Variants in SEMA3D observed in about 807,000 individuals in gnomAD.
The protein encoded by SEMA3D is semaphorin 3D.
SEMA3D carries 84 observed loss-of-function variants against 100.1 expected under a neutral mutation model. The observed-to-expected ratio is 0.84, with a 90% confidence interval of 0.70 to 1.01. The LOEUF is 1.01. Among genes scored for constraint, SEMA3D ranks in the 50% least tolerant of loss-of-function variants. SEMA3D has a pLI of 0.00. For missense variants in SEMA3D, 875 were observed against 934.1 expected (o/e 0.94, Z 0.82); for synonymous variants, 312 against 320.7 (o/e 0.97, Z 0.29).
the SEMA3D span, among the ~76,000 whole-genome samples, chr7:85,239,871 C>T: frequency 1.3e-5 from 2 of 152,130 alleles, no homozygotes; most frequent in African/African-American, 2.4e-5. Flanking sequence ...ATATTAACTT[C>T]GTATTCTGTA....
intron 15 of SEMA3D, among the ~76,000 whole-genome samples, chr7:85,016,724 A>G (rs995880026): frequency 6.6e-6 from 1 of 150,790 alleles, no homozygotes; most frequent in African/African-American, 2.4e-5. Context: ...AGAAAATCTT[A>G]TTATAACACC....
the SEMA3D span, among the ~76,000 whole-genome samples, chr7:85,244,117 G>T: frequency 6.6e-6 from 1 of 152,186 alleles, no homozygotes; most frequent in East Asian, 1.9e-4. Flanking sequence ...TGGATGATAA[G>T]TCTAAGGGCA....
At chr7:85,223,075 T>C in the SEMA3D span, among the ~76,000 whole-genome samples, 2 of 151,944 alleles carry the variant, frequency 1.3e-5, no homozygotes, top group African/African-American at 2.4e-5. Flanking sequence ...ACATCACTAA[T>C]TGTCAGAGAA....
At chr7:85,172,656 C>A (rs1791115569) in intron 1 of SEMA3D, among the ~76,000 whole-genome samples, 1 of 151,994 alleles carries the variant, frequency 6.6e-6, no homozygotes. Context: ...AACTTGATTG[C>A]ACAAGTGCTG....
intron 9 of SEMA3D, among the ~76,000 whole-genome samples, chr7:85,047,578 G>A (rs2116028536): frequency 6.6e-6 from 1 of 151,832 alleles, no homozygotes; most frequent in African/African-American, 2.4e-5. Flanking sequence ...AGTGGCTTTT[G>A]GAAAATGTAA....
At chr7:85,061,589 TCCATTGACTTTGGA>T (rs774797498) in intron 8 of SEMA3D, among the ~76,000 whole-genome samples, 1 of 152,136 alleles carries the variant, frequency 6.6e-6, no homozygotes, top group Admixed American at 6.5e-5. Context: ...GACAGATGAC[TCCATTGACTTTGGA>T]CCATAGGCTG....
intron 1 of SEMA3D, among the ~76,000 whole-genome samples, chr7:85,169,264 C>T (rs754333293): frequency 3.3e-5 from 5 of 151,680 alleles, no homozygotes; most frequent in Admixed American, 1.3e-4. Context: ...TTCTGTTAAA[C>T]AAGTTTTAAC....
chr7:85,081,421 A>T, intron 5 of SEMA3D, 96 bp downstream of exon 5: 1 of 742,966 alleles, frequency 1.3e-6, no homozygotes, highest in Non-Finnish European at 2.3e-6. Flanking sequence ...GAAAAATAAT[A>T]CACTAATACC....
chr7:85,093,092 ACTTTT>A (rs1788445313), intron 4 of SEMA3D, among the ~76,000 whole-genome samples: 2 of 152,028 alleles, frequency 1.3e-5, no homozygotes, highest in African/African-American at 4.8e-5. Flanking sequence ...GGCTGAGAAA[ACTTTT>A]ATGTTTCCCT....
intron 15 of SEMA3D, among the ~76,000 whole-genome samples, chr7:85,016,439 G>T (rs1276481393): frequency 6.6e-6 from 1 of 151,548 alleles, no homozygotes; most frequent in African/African-American, 2.4e-5. Flanking sequence ...AGTCATCCAA[G>T]ACAGAAATCT....
At chr7:85,166,916 T>C (rs1328272413) in intron 1 of SEMA3D, among the ~76,000 whole-genome samples, 2 of 151,968 alleles carry the variant, frequency 1.3e-5, no homozygotes, top group Admixed American at 1.3e-4. Context: ...TGTACAAAGG[T>C]GATAATGGAT....
chr7:85,181,736 A>T (rs1791415596), intron 1 of SEMA3D: 2 of 960,812 alleles, frequency 2.1e-6, no homozygotes, highest in African/African-American at 3.5e-5. Context: ...TAGCTTATTG[A>T]GCTTTGCAAA....
At chr7:85,164,894 T>C (rs1256098225) in intron 1 of SEMA3D, among the ~76,000 whole-genome samples, 1 of 152,080 alleles carries the variant, frequency 6.6e-6, no homozygotes, top group African/African-American at 2.4e-5. Flanking sequence ...ATAAAACATG[T>C]ATACAAAGAG....
chr7:85,169,801 A>G (rs1037473938), intron 1 of SEMA3D, among the ~76,000 whole-genome samples: 37 of 151,746 alleles, frequency 2.4e-4, no homozygotes, highest in Non-Finnish European at 7.4e-5. Flanking sequence ...CAAAACAACT[A>G]TTGATCACTA....
At chr7:85,054,896 TA>T (rs1411780154) in intron 9 of SEMA3D, among the ~76,000 whole-genome samples, 1 of 152,110 alleles carries the variant, frequency 6.6e-6, no homozygotes, top group Non-Finnish European at 1.5e-5. Context: ...AGTATGATTC[TA>T]GTAGCAACAT....
At chr7:85,106,014 A>G (rs1371122237) in intron 3 of SEMA3D, among the ~76,000 whole-genome samples, 3 of 152,126 alleles carry the variant, frequency 2.0e-5, no homozygotes, top group Non-Finnish European at 2.9e-5. Context: ...TATCATTTAT[A>G]GTTACGGAGT....
At chr7:85,107,905 T>C (rs942434821) in intron 3 of SEMA3D, among the ~76,000 whole-genome samples, 1 of 151,972 alleles carries the variant, frequency 6.6e-6, no homozygotes, top group African/African-American at 2.4e-5. Context: ...ATAAATTATC[T>C]TTTGCTACAC....
chr7:85,215,805 A>C, the SEMA3D span, among the ~76,000 whole-genome samples: 2 of 152,110 alleles, frequency 1.3e-5, no homozygotes, highest in South Asian at 4.1e-4. Flanking sequence ...AGAAGAGTAG[A>C]ACCATTTTAC....
intron 12 of SEMA3D, among the ~76,000 whole-genome samples, chr7:85,027,155 G>A (rs529287384): frequency 2.0e-5 from 3 of 152,010 alleles, no homozygotes; most frequent in African/African-American, 7.2e-5. Context: ...ACAACCGAAC[G>A]GTATGCCAGG....
Sources: gnomAD v4.1 joint callset for allele counts (sites outside exome capture counted in the v4.1 genomes callset) on GRCh38, gnomAD v4.1.1 for gene constraint, MANE v1.5 for transcripts, NCBI Gene and HGNC (gene_info 2026-07-23, HGNC 2026-07-21) for gene names.